Variants in FUT8 observed in about 807,000 individuals in gnomAD.
FUT8 encodes fucosyltransferase 8.
A neutral mutation model predicts 71.3 loss-of-function variants in FUT8; 29 were observed. That is an observed-to-expected ratio of 0.41 (90% confidence interval 0.30 to 0.55). The LOEUF (loss-of-function observed/expected upper bound fraction) is 0.55. FUT8 is among the 20% of genes least tolerant of loss of function. The pLI, the probability that FUT8 is intolerant of heterozygous loss-of-function variation, is 0.34. For missense variants in FUT8, 544 were observed against 702.1 expected (o/e 0.77, Z 2.55); for synonymous variants, 254 against 239.3 (o/e 1.06, Z -0.57).
Position 65,511,972 on chromosome 14 carries a change from AC to A in FUT8, c.-227-49364del, listed in dbSNP as rs146988326. Among the ~76,000 whole-genome samples, 493 of 152,200 alleles carry A rather than the reference AC, an allele frequency of 3.2e-3. 4 individuals carry two copies. The East Asian group carries it at 0.035, about 11-fold the overall frequency. On this transcript the variant is annotated intron_variant, in intron 2 of 10. Transcript: ENST00000673929. ...TCTGGATGTTTTGTGGTCTTCCCTT[AC>A]GTCTTTCTTTCCTTCCTGTCTTCCT... is the stretch of plus-strand genomic sequence containing the variant.
chr14:65,423,028 C>G (rs537051504), intron 1 of FUT8, among the ~76,000 whole-genome samples: 1 of 149,390 alleles, frequency 6.7e-6, no homozygotes, highest in Admixed American at 6.7e-5. Context: ...CTTTGTCACC[C>G]AGGCTGGAGT....
At chr14:65,518,903 T>TA (rs1485178240) in intron 2 of FUT8, among the ~76,000 whole-genome samples, 1 of 152,092 alleles carries the variant, frequency 6.6e-6, no homozygotes, top group African/African-American at 2.4e-5. Context: ...TGATTCCACA[T>TA]AAAAAATGAA....
intron 6 of FUT8, among the ~76,000 whole-genome samples, chr14:65,653,324 CT>C (rs554650057): frequency 6.5e-4 from 99 of 152,262 alleles, no homozygotes; most frequent in African/African-American, 2.3e-3. Flanking sequence ...TCATTCATGT[CT>C]TTCATGTCTA....
In FUT8 at chr14:65,439,954, G is replaced by GTGTGTACATATATA; in HGVS notation, c.-325-15666_-325-15665insGTGTACATATATAT. On this transcript the variant is annotated intron_variant, in intron 1 of 10. Coordinates refer to ENST00000673929, the MANE Select transcript of FUT8 (RefSeq NM_001371533.1). ...ATAAAGAAAATGTGTGTGTGTGTGT[G>GTGTGTACATATATA]TATATATATATATATATATATATAT... 1.9e-4 allele frequency among the ~76,000 whole-genome samples: 14 copies of GTGTGTACATATATA among 74,974 alleles called. 1 individual carries two copies. The East Asian group carries it at 4.9e-3, about 26-fold the overall frequency. 49.2% of individuals were successfully genotyped at this position (74,974 alleles called of 152,430 possible).
chr14:65,602,653 C>T (rs896935646), intron 3 of FUT8, among the ~76,000 whole-genome samples: 2 of 151,656 alleles, frequency 1.3e-5, no homozygotes, highest in Non-Finnish European at 2.9e-5. Context: ...TAGAAGTGTT[C>T]CTTGATCACC....
At chr14:65,568,379 T>C (rs1469734383) in intron 3 of FUT8, among the ~76,000 whole-genome samples, 1 of 151,682 alleles carries the variant, frequency 6.6e-6, no homozygotes, top group Non-Finnish European at 1.5e-5. Flanking sequence ...CTTTATTGTA[T>C]ATCTGTTTTC....
chr14:65,434,726 G>A (rs752355522), intron 1 of FUT8, among the ~76,000 whole-genome samples: 19 of 152,148 alleles, frequency 1.2e-4, no homozygotes, highest in Non-Finnish European at 2.2e-4. Context: ...CTCAGTGGAG[G>A]CAGCTGTATT....
Position 65,669,266 on chromosome 14 carries a change from C to T in FUT8, c.621C>T (p.Ala207=), listed in dbSNP as rs1221987936. Residue 207 remains alanine (A), a synonymous_variant, in exon 7 of 11, where the codon GCC becomes GCT. Transcript: ENST00000673929. The surrounding 1 kb of genome is among the most constrained non-coding windows in gnomAD (Gnocchi z 4.5). ...AGAATCCCAAGGACTGCAGCAAAGC[C>T]AAAAAGCTGGTGTGTAATATCAACA... is the stretch of plus-strand genomic sequence containing the variant. ...YLQNPKDCSK[A]KKLVCNINKG... is the part of the protein sequence containing the mutation. The T allele has an allele frequency of 6.2e-7, 1 of 1,613,408 alleles. No homozygotes were observed.
chr14:65,724,152 A>G lies in FUT8; in HGVS notation c.1088A>G (p.His363Arg). The G allele has an allele frequency of 6.3e-7, 1 of 1,589,778 alleles. No homozygotes were observed. Among genetic ancestry groups the G allele is most frequent in the Non-Finnish European group, 8.5e-7 (1 of 1,170,550 alleles). Residue 363 changes from histidine (H) to arginine (R), a missense_variant, in exon 9 of 11, where the codon CAT (histidine) becomes CGT (arginine). Physicochemically the swap from His to Arg is conservative, Grantham distance 29. Coordinates refer to ENST00000673929, the MANE Select transcript of FUT8 (RefSeq NM_001371533.1). ...LGFKHPVIGV[H>R]VRRTDKVGTE... The stretch of plus-strand genomic sequence containing the variant: ...AATCTGAATTTCTCCCCCAGAGTCC[A>G]TGTCAGACGCACAGACAAAGTGGGA...
At chr14:65,523,953 C>G (rs1461798721) in intron 2 of FUT8, among the ~76,000 whole-genome samples, 1 of 152,104 alleles carries the variant, frequency 6.6e-6, no homozygotes, top group Non-Finnish European at 1.5e-5. Context: ...GGTACCAGTA[C>G]CATGCTGTTT....
intron 2 of FUT8, among the ~76,000 whole-genome samples, chr14:65,518,980 A>G (rs893035401): frequency 2.0e-5 from 3 of 152,230 alleles, no homozygotes; most frequent in African/African-American, 7.2e-5. Context: ...TATTCATTCA[A>G]CACATAATGA....
At chr14:65,505,821 A>G (rs1351965257) in intron 2 of FUT8, among the ~76,000 whole-genome samples, 1 of 151,508 alleles carries the variant, frequency 6.6e-6, no homozygotes, top group Non-Finnish European at 1.5e-5. Flanking sequence ...ACTTTTGCCC[A>G]TTCTTTTTGT....
intron 3 of FUT8, among the ~76,000 whole-genome samples, chr14:65,587,755 C>A (rs537442280): frequency 6.6e-6 from 1 of 152,070 alleles, no homozygotes; most frequent in Non-Finnish European, 1.5e-5. Flanking sequence ...GTATGCATGC[C>A]TGATTTTATA....
intron 2 of FUT8, among the ~76,000 whole-genome samples, chr14:65,469,125 C>A (rs907779712): frequency 6.6e-6 from 1 of 152,078 alleles, no homozygotes; most frequent in Non-Finnish European, 1.5e-5. Context: ...GGCTACAGTG[C>A]GCTGTGAATC....
intron 3 of FUT8, among the ~76,000 whole-genome samples, chr14:65,578,184 C>A (rs894888081): frequency 1.3e-5 from 2 of 151,894 alleles, no homozygotes; most frequent in Non-Finnish European, 2.9e-5. Flanking sequence ...CTTGATTAAA[C>A]ATTCTTTATA....
In FUT8 at chr14:65,489,854, A is replaced by T. The variant is rs182999176; in HGVS notation, c.-228+34136A>T. Reference sequence around the variant, plus strand: ...AACTTACATGCAAGTTTTTGCACAAATATCAAAGAAATTCAGTGTACTTTC... The same window carrying T: ...AACTTACATGCAAGTTTTTGCACAATTATCAAAGAAATTCAGTGTACTTTC... On this transcript the variant is annotated intron_variant, in intron 2 of 10. Transcript: ENST00000673929. The surrounding 1 kb of genome is among the most constrained non-coding windows in gnomAD (Gnocchi z 4.0). Among the ~76,000 whole-genome samples, 1 of 152,114 alleles carries T rather than the reference A, an allele frequency of 6.6e-6. No homozygotes were observed. The highest frequency in any genetic ancestry group is 1.5e-5 in the Non-Finnish European group (1 of 67,982).
chr14:65,542,093 A>G (rs1884708677), intron 2 of FUT8, among the ~76,000 whole-genome samples: 1 of 152,230 alleles, frequency 6.6e-6, no homozygotes, highest in South Asian at 2.1e-4. Flanking sequence ...TATTGAGAGG[A>G]TTAAATATTA....
chr14:65,691,610 T>A (rs918510709), intron 7 of FUT8, among the ~76,000 whole-genome samples: 5 of 152,130 alleles, frequency 3.3e-5, no homozygotes, highest in Non-Finnish European at 5.9e-5. Flanking sequence ...TATTTATTTA[T>A]TTATTTATTT....
the FUT8 span, among the ~76,000 whole-genome samples, chr14:65,393,908 C>T: frequency 1.3e-5 from 2 of 152,164 alleles, no homozygotes; most frequent in Non-Finnish European, 2.9e-5. Flanking sequence ...TCTTACATGG[C>T]AGCAGGCAAG....
Sources: gnomAD v4.1 joint callset for allele counts (sites outside exome capture counted in the v4.1 genomes callset) on GRCh38, gnomAD v4.1.1 for gene constraint, Gnocchi (gnomAD v3.1) non-coding constraint, MANE v1.5 for transcripts, NCBI Gene and HGNC (gene_info 2026-07-23, HGNC 2026-07-21) for gene names.